CRYL1: variants seen among roughly 807,000 people sequenced by gnomAD.
CRYL1 encodes the protein lambda-crystallin homolog.
A neutral mutation model predicts 36.6 loss-of-function variants in CRYL1; 29 were observed. The observed-to-expected ratio is 0.79, with a 90% CI of 0.59 to 1.08. The LOEUF (loss-of-function observed/expected upper bound fraction) is 1.08. Ranked by LOEUF, CRYL1 falls within the 50% of genes least tolerant of loss-of-function variation. CRYL1 has a pLI of 0.00. For synonymous variants in CRYL1, 152 were observed against 151.5 expected (o/e 1.00, Z -0.02); for missense variants, 411 against 407.9 (o/e 1.01, Z -0.06).
In CRYL1 at chr13:20,489,165, G is replaced by C. The variant is rs17247741; in HGVS notation, c.276+205C>G. ...GATAAGGCATTGGTCTCTTGAAACA[G>C]AACATTGTCACGCTAGTTTGATGAG... On this transcript the variant is annotated intron_variant, in intron 3 of 7. Coordinates refer to ENST00000298248, the MANE Select transcript of CRYL1 (RefSeq NM_015974.3). Among the ~76,000 whole-genome samples the C allele has an allele frequency of 8.7e-3, 1,324 of 152,284 alleles. 13 individuals are homozygous for C. Among genetic ancestry groups the C allele is most frequent in the Non-Finnish European group, 0.016 (1,072 of 68,020 alleles).
intron 3 of CRYL1, among the ~76,000 whole-genome samples, chr13:20,475,240 G>T (rs2033143225): frequency 6.6e-6 from 1 of 152,160 alleles, no homozygotes; most frequent in Non-Finnish European, 1.5e-5. Context: ...CACACCCCGT[G>T]TCTCTCCCTC....
chr13:20,524,883 G>C (rs1442367041), intron 1 of CRYL1, among the ~76,000 whole-genome samples: 1 of 151,718 alleles, frequency 6.6e-6, no homozygotes, highest in Non-Finnish European at 1.5e-5. Flanking sequence ...CGGAGTCGGG[G>C]GCAGGCCAAC....
rs1159138986 is a variant in CRYL1, at chr13:20,525,169, C to T, written c.41+585G>A. ...CCCCACCTCCCCTCTGGAAACATCG[C>T]CTCGCCCAGGAATTAGGACTGCGTG... is the stretch of plus-strand genomic sequence containing the variant. On this transcript the variant is annotated intron_variant, in intron 1 of 7. Transcript: ENST00000298248. This position sits in a 1 kb window ranked among gnomAD's most constrained non-coding sequence, Gnocchi z 4.3. Among the ~76,000 whole-genome samples, 1 of 152,162 alleles carries T rather than the reference C, an allele frequency of 6.6e-6. No individual in the cohort carries two copies. Among genetic ancestry groups the T allele is most frequent in the Non-Finnish European group, 1.5e-5 (1 of 68,024 alleles).
At position 20,525,817 on chromosome 13, in the gene CRYL1, C is replaced by A; in HGVS notation, c.-23G>T. ...CATGGTTGGGCCGGGGACGCGGCGC[C>A]GCGGGCGCTGGGACCAGGCGCCGGC... is the stretch of plus-strand genomic sequence containing the variant. On this transcript the variant is annotated 5_prime_UTR_variant, in exon 1 of 8. Coordinates refer to ENST00000298248, the MANE Select transcript of CRYL1 (RefSeq NM_015974.3). This position sits in a 1 kb window ranked among gnomAD's most constrained non-coding sequence, Gnocchi z 4.3. 1 of 1,229,408 alleles carries A rather than the reference C, an allele frequency of 8.1e-7. No homozygotes were observed. Among genetic ancestry groups the A allele is most frequent in the South Asian group, 3.5e-5 (1 of 28,390 alleles). 76.2% of individuals were successfully genotyped at this position (1,229,408 alleles called of 1,614,324 possible).
At chr13:20,521,930 G>A (rs2034103987) in intron 1 of CRYL1, among the ~76,000 whole-genome samples, 1 of 152,182 alleles carries the variant, frequency 6.6e-6, no homozygotes, top group South Asian at 2.1e-4. Flanking sequence ...GGCACATTTA[G>A]TGTCTAAGCT....
intron 5 of CRYL1, chr13:20,431,240 G>A: frequency 4.1e-6 from 4 of 985,452 alleles, no homozygotes; most frequent in Non-Finnish European, 4.8e-6. Flanking sequence ...GGCTCGGTGT[G>A]TGTCCATGCG....
chr13:20,499,387 G>A (rs2137488288), intron 2 of CRYL1, among the ~76,000 whole-genome samples: 1 of 149,468 alleles, frequency 6.7e-6, no homozygotes, highest in Admixed American at 6.8e-5. Context: ...AGTGGCTCAT[G>A]CCTTTAATCC....
chr13:20,425,013 G>A lies in CRYL1; in HGVS notation c.633+7089C>T, dbSNP rs563070636. The stretch of plus-strand genomic sequence containing the variant: ...AACTTCCCTACACACTGGGCCCATC[G>A]CTCTATGTGACTTCGTGCCAAGACC... On this transcript the variant is annotated intron_variant, in intron 5 of 7. Transcript: ENST00000298248. This position sits in a 1 kb window ranked among gnomAD's most constrained non-coding sequence, Gnocchi z 4.4. 1.3e-5 allele frequency among the ~76,000 whole-genome samples: 2 copies of A among 152,264 alleles called. No individual in the cohort carries two copies. The highest frequency in any genetic ancestry group is 3.9e-4 in the East Asian group (2 of 5,176).
At chr13:20,407,868 A>C (rs2031417602) in intron 6 of CRYL1, among the ~76,000 whole-genome samples, 1 of 152,228 alleles carries the variant, frequency 6.6e-6, no homozygotes, top group Non-Finnish European at 1.5e-5. Context: ...CCCCAGGTGC[A>C]CAGGCAGGAA....
chr13:20,484,031 T>C (rs1053300044), intron 3 of CRYL1, among the ~76,000 whole-genome samples: 1 of 152,222 alleles, frequency 6.6e-6, no homozygotes, highest in Admixed American at 6.5e-5. Context: ...TTAGCCAGGA[T>C]GGTCTCCATC....
At chr13:20,522,309 C>T (rs1214347355) in intron 1 of CRYL1, among the ~76,000 whole-genome samples, 1 of 151,596 alleles carries the variant, frequency 6.6e-6, no homozygotes, top group Non-Finnish European at 1.5e-5. Context: ...GAGATGGTGC[C>T]ACTGCACTTC....
intron 3 of CRYL1, among the ~76,000 whole-genome samples, chr13:20,482,735 C>G (rs888435428): frequency 1.4e-5 from 2 of 140,670 alleles, no homozygotes; most frequent in Admixed American, 7.0e-5. Flanking sequence ...TTGTGGCAAG[C>G]AGTCTGTGTG....
chr13:20,525,614 A>C lies in CRYL1; in HGVS notation c.41+140T>G. 1 of 655,766 alleles carries C rather than the reference A, an allele frequency of 1.5e-6. No homozygotes were observed. 40.6% of individuals were successfully genotyped at this position (655,766 alleles called of 1,614,324 possible). On this transcript the variant is annotated intron_variant, in intron 1 of 7. Coordinates refer to ENST00000298248, the MANE Select transcript of CRYL1 (RefSeq NM_015974.3). The surrounding 1 kb of genome is among the most constrained non-coding windows in gnomAD (Gnocchi z 4.3). ...AGCCCGCCAGCGCCGTAGGGGCCGC[A>C]GGGCGCAGGGCTTCGGAGGACCGGA...
chr13:20,454,670 C>T (rs1010879390), intron 3 of CRYL1, among the ~76,000 whole-genome samples: 5 of 152,100 alleles, frequency 3.3e-5, no homozygotes, highest in Admixed American at 1.3e-4. Flanking sequence ...CCACCCGCCT[C>T]GGCCTCCCAA....
intron 3 of CRYL1, among the ~76,000 whole-genome samples, chr13:20,475,010 C>A (rs2033136583): frequency 6.6e-6 from 1 of 152,226 alleles, no homozygotes; most frequent in African/African-American, 2.4e-5. Context: ...GACCCGTGCG[C>A]AGCCTCCTTC....
chr13:20,461,350 G>A (rs1212320533), intron 3 of CRYL1, among the ~76,000 whole-genome samples: 1 of 152,194 alleles, frequency 6.6e-6, no homozygotes, highest in Non-Finnish European at 1.5e-5. Flanking sequence ...CTCACTTTGT[G>A]AGGTCCTCCT....
At chr13:20,523,757 G>A (rs1486983783) in intron 1 of CRYL1, among the ~76,000 whole-genome samples, 1 of 152,044 alleles carries the variant, frequency 6.6e-6, no homozygotes, top group African/African-American at 2.4e-5. Flanking sequence ...AAAGAAACAA[G>A]CAGAGGCCCC....
At chr13:20,498,203 A>T (rs2033646136) in intron 2 of CRYL1, among the ~76,000 whole-genome samples, 1 of 151,222 alleles carries the variant, frequency 6.6e-6, no homozygotes, top group African/African-American at 2.4e-5. Flanking sequence ...ACGCCACCAT[A>T]CACACTACAC....
At chr13:20,420,983 T>C (rs2031796978) in intron 5 of CRYL1, among the ~76,000 whole-genome samples, 1 of 151,946 alleles carries the variant, frequency 6.6e-6, no homozygotes, top group African/African-American at 2.4e-5. Context: ...TCCGTCCGCC[T>C]TGGCCTCCCA....
Sources: gnomAD v4.1 joint callset for allele counts (sites outside exome capture counted in the v4.1 genomes callset) on GRCh38, gnomAD v4.1.1 for gene constraint, Gnocchi (gnomAD v3.1) non-coding constraint, MANE v1.5 for transcripts, NCBI Gene and HGNC (gene_info 2026-07-23, HGNC 2026-07-21) for gene names.